Variants in USP13 observed in about 807,000 individuals in gnomAD.
The protein encoded by USP13 is ubiquitin specific peptidase 13.
In USP13, 68 loss-of-function variants were observed where a neutral mutation model predicts 107.8. The observed-to-expected ratio is 0.63, with a 90% CI of 0.52 to 0.77. The LOEUF is 0.77. USP13 is among the 30% of genes least tolerant of loss of function. The pLI, the probability that USP13 is intolerant of heterozygous loss-of-function variation, is 0.00. For missense variants in USP13, 945 were observed against 1,093.3 expected (o/e 0.86, Z 1.91); for synonymous variants, 377 against 389.5 (o/e 0.97, Z 0.38).
At chr3:179,756,612 G>A (rs4855112) in intron 15 of USP13, among the ~76,000 whole-genome samples, 72,954 of 151,624 alleles carry the variant, frequency 0.48, 17,847 homozygotes, top group East Asian at 0.66. Context: ...TTTGCCAGGC[G>A]TGGTGACTGG....
intron 1 of USP13, among the ~76,000 whole-genome samples, chr3:179,676,973 C>A (rs1711504419): frequency 1.3e-5 from 2 of 152,054 alleles, no homozygotes; most frequent in South Asian, 4.2e-4. Context: ...ATTCTCCTGC[C>A]TCAGCCTCCC....
chr3:179,747,682 C>A (rs183447442), intron 13 of USP13, among the ~76,000 whole-genome samples: 1 of 152,254 alleles, frequency 6.6e-6, no homozygotes, highest in Non-Finnish European at 1.5e-5. Context: ...GGTCAGGAGA[C>A]CTGGATTCTT....
rs948192307 is a variant in USP13 at position 179,765,610 on chromosome 3, C to G, written c.2260-85C>G. 14 of 1,506,526 alleles carry G rather than the reference C, an allele frequency of 9.3e-6. No individual in the cohort carries two copies. In the East Asian group the frequency reaches 2.8e-4, roughly 30 times the overall value. 93.3% of individuals were successfully genotyped at this position (1,506,526 alleles called of 1,614,324 possible). On this transcript the variant is annotated intron_variant, in intron 18 of 20. Coordinates refer to ENST00000263966, the MANE Select transcript of USP13 (RefSeq NM_003940.3). ...AATTCAGACCTCCTTCCCTATCTGCCTGACATCTAGTTGAAATGGTCAGGA... is the reference window on the plus strand; with the variant it reads ...AATTCAGACCTCCTTCCCTATCTGCGTGACATCTAGTTGAAATGGTCAGGA...
intron 15 of USP13, among the ~76,000 whole-genome samples, chr3:179,756,028 A>G (rs943133483): frequency 6.6e-6 from 1 of 152,258 alleles, no homozygotes; most frequent in Non-Finnish European, 1.5e-5. Context: ...AAGAAGGATC[A>G]GCATGGGCAT....
rs190030106 is a variant in USP13 at position 179,658,980 on chromosome 3, G to A, written c.168+5587G>A. 2.8e-4 allele frequency among the ~76,000 whole-genome samples: 43 copies of A among 152,320 alleles called. No homozygotes were observed. In the South Asian group the frequency reaches 5.0e-3, roughly 18 times the overall value. ...CAGTGGCTGAACCAAAAAGGTGGCC[G>A]GAGGGGATATGATACTCAGCATAAA... is the stretch of plus-strand genomic sequence containing the variant. On this transcript the variant is annotated intron_variant, in intron 1 of 20. Transcript: ENST00000263966.
At chr3:179,659,828 G>A (rs1720404352) in intron 1 of USP13, among the ~76,000 whole-genome samples, 1 of 152,124 alleles carries the variant, frequency 6.6e-6, no homozygotes, top group Admixed American at 6.5e-5. Context: ...CACCTTATGA[G>A]GTCAGGAGTT....
intron 14 of USP13, 87 bp downstream of exon 14, chr3:179,752,460 G>GC (rs1203669313): frequency 2.1e-6 from 2 of 940,616 alleles, no homozygotes; most frequent in Non-Finnish European, 3.5e-6. Context: ...GTAGTTGGCT[G>GC]CCACAAACAG....
At chr3:179,708,116 AT>A (rs1263581397) in intron 5 of USP13, among the ~76,000 whole-genome samples, 1 of 152,148 alleles carries the variant, frequency 6.6e-6, no homozygotes, top group Non-Finnish European at 1.5e-5. Flanking sequence ...GATTCTTAAT[AT>A]TTTAAACTTG....
intron 1 of USP13, among the ~76,000 whole-genome samples, chr3:179,672,350 T>C (rs772482391): frequency 6.6e-6 from 1 of 152,098 alleles, no homozygotes; most frequent in Non-Finnish European, 1.5e-5. Flanking sequence ...TAACAATACA[T>C]GGGGCTTCTA....
At chr3:179,728,602 T>G (rs1471180415) in intron 8 of USP13, among the ~76,000 whole-genome samples, 6 of 151,562 alleles carry the variant, frequency 4.0e-5, no homozygotes, top group Non-Finnish European at 8.8e-5. Flanking sequence ...GAGGCTGCAA[T>G]CTCAGCACTT....
Position 179,682,012 on chromosome 3 carries a change from G to T in USP13, c.294+9G>T, listed in dbSNP as rs750745587. On this transcript the variant is annotated intron_variant, in intron 2 of 20. Coordinates refer to ENST00000263966, the MANE Select transcript of USP13 (RefSeq NM_003940.3). ...AAAGACATGTGCGAGAGGTGAGAGCGGCACTTTCAGAGAACTGGCCTTGAT... is the reference window on the plus strand; with the variant it reads ...AAAGACATGTGCGAGAGGTGAGAGCTGCACTTTCAGAGAACTGGCCTTGAT... The T allele has an allele frequency of 6.2e-7, 1 of 1,608,412 alleles. No homozygotes were observed. Among genetic ancestry groups the T allele is most frequent in the South Asian group, 1.1e-5 (1 of 90,092 alleles).
chr3:179,671,868 C>T (rs12633396), intron 1 of USP13, among the ~76,000 whole-genome samples: 34,389 of 151,978 alleles, frequency 0.23, 4,520 homozygotes, highest in East Asian at 0.4. Context: ...TTTGTCCTGG[C>T]GTGGATTTGT....
chr3:179,730,112 C>A, intron 8 of USP13, 77 bp from the exon 9 acceptor site: 1 of 1,395,746 alleles, frequency 7.2e-7, no homozygotes. Flanking sequence ...AAGGTCTTAG[C>A]AAGAATTTTG....
intron 1 of USP13, among the ~76,000 whole-genome samples, chr3:179,674,221 A>G (rs113754297): frequency 1.9e-4 from 29 of 152,238 alleles, no homozygotes; most frequent in Non-Finnish European, 3.2e-4. Context: ...GCAACTTGAC[A>G]TTGCAGCCAC....
chr3:179,668,994 G>A (rs1720665518), intron 1 of USP13, among the ~76,000 whole-genome samples: 1 of 152,206 alleles, frequency 6.6e-6, no homozygotes, highest in African/African-American at 2.4e-5. Flanking sequence ...TACCTGAGAG[G>A]TTGAATTAAT....
At position 179,742,147 on chromosome 3, in the gene USP13, A is replaced by C. The variant is rs770489290; in HGVS notation, c.1381-50A>C. 1.2e-6 allele frequency: 2 copies of C among 1,609,504 alleles called. No homozygotes were observed. The highest frequency in any genetic ancestry group is 1.7e-6 in the Non-Finnish European group (2 of 1,176,276). ...TAGAGTTCATTTTCTACTAAGTCTT[A>C]GTGGCTCAATATTCATACATTTACT... On this transcript the variant is annotated intron_variant, in intron 11 of 20. Transcript: ENST00000263966. This position sits in a 1 kb window ranked among gnomAD's most constrained non-coding sequence, Gnocchi z 5.0.
intron 19 of USP13, among the ~76,000 whole-genome samples, chr3:179,776,858 GTTTTTTTTTTT>G (rs71628094): frequency 1.3e-5 from 1 of 78,302 alleles, no homozygotes; most frequent in Non-Finnish European, 2.4e-5. Context: ...TAGAGTGCTG[GTTTTTTTTTTT>G]TTTTTTTTTT....
At position 179,764,117 on chromosome 3, in the gene USP13, C is replaced by T; in HGVS notation, c.2208C>T (p.Ile736=). The change falls in exon 18 of 21, where the codon ATC becomes ATT. Residue 736 remains isoleucine, a synonymous_variant. Coordinates refer to ENST00000263966, the MANE Select transcript of USP13 (RefSeq NM_003940.3). ...CTCCAGAGGAAATCGTAGCTATCAT[C>T]ACCTCCATGGGATTTCAGCGAAATC... The part of the protein sequence containing the change: ...NQPPEEIVAI[I]TSMGFQRNQA... The T allele has an allele frequency of 6.2e-7, 1 of 1,614,014 alleles. No individual in the cohort carries two copies. The highest frequency in any genetic ancestry group is 1.6e-4 in the Middle Eastern group (1 of 6,062).
intron 16 of USP13, among the ~76,000 whole-genome samples, chr3:179,760,231 C>G (rs1714954982): frequency 1.3e-5 from 2 of 150,072 alleles, no homozygotes. Context: ...CACAAGAAAA[C>G]AAAAGCCTCT....
Sources: allele counts gnomAD v4.1 joint callset (sites outside exome capture counted in the v4.1 genomes callset), GRCh38; gene constraint gnomAD v4.1.1; non-coding constraint Gnocchi (gnomAD v3.1); transcripts MANE v1.5; gene names NCBI Gene and HGNC (gene_info 2026-07-23, HGNC 2026-07-21).